CCDC172: variants seen among roughly 807,000 people sequenced by gnomAD.
The protein encoded by CCDC172 is coiled-coil domain containing 172.
CCDC172 carries 30 observed loss-of-function variants against 38.0 expected under a neutral mutation model. The ratio of observed to expected loss-of-function variants is 0.79; its 90% confidence interval spans 0.59 to 1.07. The LOEUF (loss-of-function observed/expected upper bound fraction) is 1.07, where lower values mean the gene tolerates loss of function less well. CCDC172 is among the 50% of genes least tolerant of loss of function. CCDC172 has a pLI of 0.00. For missense variants in CCDC172, 297 were observed against 290.1 expected (o/e 1.02, Z -0.17); for synonymous variants, 78 against 88.3 (o/e 0.88, Z 0.66).
chr10:116,365,649 T>C (rs2134961710), intron 7 of CCDC172, among the ~76,000 whole-genome samples: 1 of 152,314 alleles, frequency 6.6e-6, no homozygotes, highest in African/African-American at 2.4e-5. Context: ...AAGCATTCCT[T>C]TAGATTTCTC....
chr10:116,332,099 G>A (rs1290531596), intron 3 of CCDC172, among the ~76,000 whole-genome samples: 1 of 151,966 alleles, frequency 6.6e-6, no homozygotes, highest in Non-Finnish European at 1.5e-5. Flanking sequence ...GTTCTTATGT[G>A]GGCATTTAAA....
chr10:116,364,842 T>G (rs1845104422), intron 7 of CCDC172, among the ~76,000 whole-genome samples: 1 of 152,238 alleles, frequency 6.6e-6, no homozygotes, highest in African/African-American at 2.4e-5. Flanking sequence ...AATAGTAGTG[T>G]GTACAATTCT....
chr10:116,346,291 CA>C (rs562182925), intron 5 of CCDC172, among the ~76,000 whole-genome samples: 23,735 of 80,168 alleles, frequency 0.3, 1,150 homozygotes, highest in East Asian at 0.39. Flanking sequence ...GACTTCGTCT[CA>C]AAAAAAAAAA....
At chr10:116,332,074 T>C (rs1844670538) in intron 3 of CCDC172, among the ~76,000 whole-genome samples, 1 of 152,152 alleles carries the variant, frequency 6.6e-6, no homozygotes, top group South Asian at 2.1e-4. Context: ...CTGGCTCTCT[T>C]TGCCTGTGAT....
chr10:116,342,766 A>G (rs1426226558), intron 5 of CCDC172, among the ~76,000 whole-genome samples: 1 of 152,090 alleles, frequency 6.6e-6, no homozygotes, highest in Non-Finnish European at 1.5e-5. Flanking sequence ...TTCTCATGAC[A>G]TTGAGTGAGT....
In CCDC172 at chr10:116,364,389, A is replaced by G. The variant is rs550029182; in HGVS notation, c.653+6451A>G. Among the ~76,000 whole-genome samples, 15 of 152,276 alleles carry G rather than the reference A, an allele frequency of 9.9e-5. No homozygotes were observed. The South Asian group carries it at 1.0e-3, about 11-fold the overall frequency. ...TTTGGAATGAAATTTAAGACAAACA[A>G]ATTATTATAAGCATCTTAAAATGTT... On this transcript the variant is annotated intron_variant, in intron 7 of 8. Transcript: ENST00000333254.
Position 116,378,492 on chromosome 10 carries a change from A to G in CCDC172, c.723A>G (p.Glu241=). The G allele has an allele frequency of 6.2e-7, 1 of 1,604,568 alleles. No individual in the cohort carries two copies. Among genetic ancestry groups the G allele is most frequent in the Non-Finnish European group, 8.5e-7 (1 of 1,176,066 alleles). Residue 241 remains glutamate, a synonymous_variant, in exon 8 of 9, where the codon GAA becomes GAG. Coordinates refer to ENST00000333254, the MANE Select transcript of CCDC172 (RefSeq NM_198515.3). ...GTGTTTATGAAGCTCTCCAAACAGAAATAGAATTTTTGGAGTTGGTAAGTT... is the reference window on the plus strand; with the variant it reads ...GTGTTTATGAAGCTCTCCAAACAGAGATAGAATTTTTGGAGTTGGTAAGTT... ...MESVYEALQT[E]IEFLELTLAQ... is the part of the protein sequence containing the mutation.
intron 3 of CCDC172, among the ~76,000 whole-genome samples, chr10:116,332,337 A>T (rs761493355): frequency 3.3e-5 from 5 of 152,160 alleles, no homozygotes. Context: ...TTTTACTGCC[A>T]TATTAACCAT....
intron 5 of CCDC172, among the ~76,000 whole-genome samples, chr10:116,343,452 G>C (rs1270612911): frequency 6.6e-6 from 1 of 151,312 alleles, no homozygotes; most frequent in Non-Finnish European, 1.5e-5. Flanking sequence ...TCCCTCCTGG[G>C]AATGATTCCC....
intron 3 of CCDC172, among the ~76,000 whole-genome samples, chr10:116,332,992 C>T (rs1897506): frequency 0.97 from 147,863 of 152,208 alleles, 71,829 homozygotes; most frequent in East Asian, 1. Flanking sequence ...TTTTAACACT[C>T]TAATTTTTAA....
At chr10:116,364,142 C>T (rs368962800) in intron 7 of CCDC172, among the ~76,000 whole-genome samples, 3 of 152,148 alleles carry the variant, frequency 2.0e-5, no homozygotes, top group African/African-American at 7.2e-5. Context: ...GGATTAAACA[C>T]CTACTTTGTA....
At chr10:116,351,922 G>A (rs1038828607) in intron 5 of CCDC172, among the ~76,000 whole-genome samples, 3 of 151,520 alleles carry the variant, frequency 2.0e-5, no homozygotes, top group Non-Finnish European at 4.4e-5. Context: ...TACTTGAGAG[G>A]ACAGATCCAC....
chr10:116,359,515 A>G (rs573583927), intron 7 of CCDC172, among the ~76,000 whole-genome samples: 11 of 152,240 alleles, frequency 7.2e-5, no homozygotes, highest in African/African-American at 2.6e-4. Flanking sequence ...GGGCTGTTCA[A>G]TGCATTGTGA....
rs778494917 is a variant in CCDC172, at chr10:116,325,343, A to T, written c.120A>T (p.Lys40Asn). 6.2e-7 allele frequency: 1 copy of T among 1,614,042 alleles called. No individual in the cohort carries two copies. The highest frequency in any genetic ancestry group is 1.3e-5 in the African/African-American group (1 of 75,052). Residue 40 changes from lysine (K) to asparagine (N), a missense_variant, in exon 3 of 9, where the codon AAA becomes AAT. Coordinates refer to ENST00000333254, the MANE Select transcript of CCDC172 (RefSeq NM_198515.3). ...EITRCREKIK[K>N]ATEELNEEKI... ...CCAGATGTCGTGAAAAAATTAAGAA[A>T]GCAACGGAGGAGCTGAATGAAGAGA...
chr10:116,358,321 T>C (rs987246142), intron 7 of CCDC172, among the ~76,000 whole-genome samples: 6 of 152,092 alleles, frequency 3.9e-5, no homozygotes, highest in African/African-American at 1.2e-4. Context: ...GCTATTTTAC[T>C]TGACATTTGT....
intron 3 of CCDC172, among the ~76,000 whole-genome samples, chr10:116,336,058 C>T (rs984172181): frequency 4.6e-5 from 7 of 151,804 alleles, no homozygotes; most frequent in Non-Finnish European, 1.0e-4. Context: ...TCCCAGCTAC[C>T]CGGGAGGCTG....
intron 7 of CCDC172, among the ~76,000 whole-genome samples, chr10:116,373,693 C>T (rs1435971769): frequency 2.0e-5 from 3 of 151,894 alleles, no homozygotes; most frequent in Admixed American, 6.6e-5. Flanking sequence ...TTACTAGAGA[C>T]GGGGTTTCCC....
At chr10:116,338,321 G>A (rs774995638) in intron 3 of CCDC172, among the ~76,000 whole-genome samples, 1 of 151,976 alleles carries the variant, frequency 6.6e-6, no homozygotes, top group Non-Finnish European at 1.5e-5. Context: ...TTAATGTACC[G>A]TAATCTTTCT....
Position 116,379,575 on chromosome 10 carries a change from T to C in CCDC172, c.*217T>C, listed in dbSNP as rs1339898770. The stretch of plus-strand genomic sequence containing the variant: ...CTTTAAGAGTTCTTCTGTGGTTTGA[T>C]TTTGTTTCTAAAAGAAGGAAAAGGA... On this transcript the variant is annotated 3_prime_UTR_variant, in exon 9 of 9. Coordinates refer to ENST00000333254, the MANE Select transcript of CCDC172 (RefSeq NM_198515.3). The C allele has an allele frequency of 5.2e-6, 2 of 381,520 alleles. No homozygotes were observed. Among genetic ancestry groups the C allele is most frequent in the Non-Finnish European group, 9.5e-6 (2 of 211,630 alleles). 23.6% of individuals were successfully genotyped at this position (381,520 alleles called of 1,614,324 possible). A position where few individuals can be genotyped will look rare whatever the true frequency, so the allele number is the denominator to read the frequency against.
Sources: gnomAD v4.1 joint callset for allele counts (sites outside exome capture counted in the v4.1 genomes callset) on GRCh38, gnomAD v4.1.1 for gene constraint, MANE v1.5 for transcripts, NCBI Gene and HGNC (gene_info 2026-07-23, HGNC 2026-07-21) for gene names.